The following RBM44 variants were observed in gnomAD, a reference collection of about 807,000 sequenced individuals.
RBM44 encodes RNA-binding protein 44.
Under a neutral mutation model 105.1 loss-of-function variants are expected in RBM44, and 66 were observed. The ratio of observed to expected loss-of-function variants is 0.63; its 90% CI spans 0.52 to 0.77. The LOEUF (loss-of-function observed/expected upper bound fraction) is 0.77. Ranked by LOEUF, RBM44 falls within the 30% of genes least tolerant of loss-of-function variation. The pLI is 0.00. For missense variants in RBM44, 1,122 were observed against 1,207.8 expected (o/e 0.93, Z 1.05); for synonymous variants, 365 against 417.6 (o/e 0.87, Z 1.54).
rs1341452458 is a variant in RBM44 at position 237,829,515 on chromosome 2, G to T, written c.2886+13G>T. The T allele has an allele frequency of 1.9e-6, 3 of 1,598,044 alleles. No homozygotes were observed. The highest frequency in any genetic ancestry group is 2.6e-6 in the Non-Finnish European group (3 of 1,173,562). On this transcript the variant is annotated intron_variant, in intron 13 of 15. Transcript: ENST00000316997. ...CCCTTCCGACCAGGTTAGTGTTTTT[G>T]ATAGATCCCTTAAATGGTCTTTGTA...
At chr2:237,837,725 G>T (rs1467918790) in intron 15 of RBM44, among the ~76,000 whole-genome samples, 3 of 143,876 alleles carry the variant, frequency 2.1e-5, no homozygotes, top group Non-Finnish European at 4.7e-5. Flanking sequence ...TCCCAGGCTG[G>T]TCTCAAACTT....
chr2:237,834,052 C>G lies in RBM44; in HGVS notation c.2942C>G (p.Pro981Arg). The change falls in exon 14 of 16, where the codon CCC becomes CGC. Residue 981 changes from proline (P) to arginine (R), a missense_variant. This residue lies in a region of RBM44 where 194 missense variants were observed against 225.5 expected (regional missense o/e 0.86). Coordinates refer to ENST00000316997, the MANE Select transcript of RBM44 (RefSeq NM_001080504.3). Reference sequence around the variant, plus strand: ...TCTGCTAAATTATTACCTGATACACCCGTTCAATTCATACCTCCAAATACA... The same window carrying G: ...TCTGCTAAATTATTACCTGATACACGCGTTCAATTCATACCTCCAAATACA... The part of the protein sequence containing the change: ...IESAKLLPDT[P>R]VQFIPPNTLN... 1 of 1,573,222 alleles carries G rather than the reference C, an allele frequency of 6.4e-7. No homozygotes were observed. The highest frequency in any genetic ancestry group is 8.6e-7 in the Non-Finnish European group (1 of 1,156,540).
At chr2:237,840,300 A>G (rs999819699) in intron 15 of RBM44, among the ~76,000 whole-genome samples, 6 of 152,158 alleles carry the variant, frequency 3.9e-5, no homozygotes, top group Non-Finnish European at 7.3e-5. Flanking sequence ...CGAAGTCAAC[A>G]AAAACAAGCA....
chr2:237,821,901 G>A, intron 8 of RBM44, 74 bp downstream of exon 8: 1 of 987,856 alleles, frequency 1.0e-6, no homozygotes, highest in Non-Finnish European at 1.6e-6. Context: ...ATAATTTTCA[G>A]AAACCCTGAC....
chr2:237,812,654 G>A (rs1279913170), intron 1 of RBM44, among the ~76,000 whole-genome samples: 2 of 151,964 alleles, frequency 1.3e-5, no homozygotes, highest in African/African-American at 4.8e-5. Context: ...AGGAACCTTT[G>A]TAACACTTGA....
intron 5 of RBM44, 135 bp downstream of exon 5, chr2:237,820,486 C>G: frequency 1.8e-6 from 1 of 563,024 alleles, no homozygotes; most frequent in Non-Finnish European, 3.0e-6. Context: ...GTTAGTTAGC[C>G]TAAGGGTAAT....
intron 13 of RBM44, among the ~76,000 whole-genome samples, chr2:237,831,243 T>TGG (rs61344701): frequency 1.8e-4 from 19 of 107,708 alleles, no homozygotes; most frequent in African/African-American, 3.6e-4. Context: ...TCCTTTTTTT[T>TGG]GGGGGGGGGG....
At position 237,817,395 on chromosome 2, in the gene RBM44, GA is replaced by G; in HGVS notation, c.478del (p.Ile160SerfsTer38). 1 of 1,602,458 alleles carries G rather than the reference GA, an allele frequency of 6.2e-7. No homozygotes were observed. The highest frequency in any genetic ancestry group is 8.5e-7 in the Non-Finnish European group (1 of 1,174,236). On this transcript the variant is annotated frameshift_variant, in exon 3 of 16. Coordinates refer to ENST00000316997, the MANE Select transcript of RBM44 (RefSeq NM_001080504.3). LOFTEE classifies it high-confidence loss of function. ...EHQDKTVGLE[R>X]IYNISDANYR... ...CAAGATAAGACTGTTGGCTTGGAAAGAATCTACAATATTTCAGATGCTAATT... is the reference window on the plus strand; with the variant it reads ...CAAGATAAGACTGTTGGCTTGGAAAGATCTACAATATTTCAGATGCTAATT...
In RBM44 at chr2:237,820,350, A is replaced by G. The variant is rs1479347369; in HGVS notation, c.1912A>G (p.Met638Val). The change falls in exon 5 of 16, where the codon ATG becomes GTG. Residue 638 changes from methionine to valine, a missense_variant and splice_region_variant. Met to Val is a conservative substitution (Grantham distance 21). This residue lies in a region of RBM44 where 918 missense variants were observed against 955.3 expected (regional missense o/e 0.96). Coordinates refer to ENST00000316997, the MANE Select transcript of RBM44 (RefSeq NM_001080504.3). ...CATGGAAAATAGGGAAGGATTAAAT[A>G]TGTGTTTATTAATTTCAAATCTGTT... ...LVMENREGLN[M>V]NLSSNSAKKE... The G allele has an allele frequency of 3.9e-6, 6 of 1,554,150 alleles. No homozygotes were observed. The highest frequency in any genetic ancestry group is 5.3e-6 in the Non-Finnish European group (6 of 1,140,888).
At chr2:237,832,466 T>C (rs1213274990) in intron 13 of RBM44, among the ~76,000 whole-genome samples, 1 of 152,206 alleles carries the variant, frequency 6.6e-6, no homozygotes, top group African/African-American at 2.4e-5. Context: ...TTCCACATGC[T>C]TTAGACAGGA....
At chr2:237,829,541 C>A in intron 13 of RBM44, 39 bp downstream of exon 13, 4 of 1,523,808 alleles carry the variant, frequency 2.6e-6, no homozygotes, top group South Asian at 1.2e-5. Flanking sequence ...GGTCTTTGTA[C>A]GTCATATTGC....
At chr2:237,827,203 A>G (rs753868408) in intron 10 of RBM44, 47 bp from the exon 11 acceptor site, 18 of 1,032,482 alleles carry the variant, frequency 1.7e-5, no homozygotes, top group Non-Finnish European at 2.5e-5. Context: ...TCTGAAACAT[A>G]TCAGTACAAT....
At chr2:237,831,245 G>C (rs148548247) in intron 13 of RBM44, among the ~76,000 whole-genome samples, 3 of 84,200 alleles carry the variant, frequency 3.6e-5, no homozygotes, top group African/African-American at 1.5e-4. Flanking sequence ...CTTTTTTTTG[G>C]GGGGGGGGGG....
At position 237,829,482 on chromosome 2, in the gene RBM44, G is replaced by A. The variant is rs2061882447; in HGVS notation, c.2866G>A (p.Glu956Lys). 13 of 1,612,356 alleles carry A rather than the reference G, an allele frequency of 8.1e-6. No homozygotes were observed. Among genetic ancestry groups the A allele is most frequent in the Non-Finnish European group, 1.1e-5 (13 of 1,179,224 alleles). ...PRQLGSEQDS[E>K]VFPSDQGVKK... is the part of the protein sequence containing the mutation. ...GCAGCTGGGTTCTGAGCAAGACAGT[G>A]AGGTTTTCCCTTCCGACCAGGTTAG... The change falls in exon 13 of 16, where the codon GAG becomes AAG. Residue 956 changes from glutamate (E) to lysine (K), a missense_variant. Around this residue, in one of 3 missense-constraint regions of RBM44, gnomAD observed 194 missense variants for 225.5 expected, o/e 0.86. Coordinates refer to ENST00000316997, the MANE Select transcript of RBM44 (RefSeq NM_001080504.3).
chr2:237,821,826 A>G lies in RBM44; in HGVS notation c.2204A>G (p.Gln735Arg), dbSNP rs2150981783. 1 of 1,594,132 alleles carries G rather than the reference A, an allele frequency of 6.3e-7. No individual in the cohort carries two copies. Among genetic ancestry groups the G allele is most frequent in the East Asian group, 2.2e-5 (1 of 44,560 alleles). Residue 735 changes from glutamine (Q) to arginine (R), a missense_variant and splice_region_variant, in exon 8 of 16, where the codon CAA becomes CGA. This residue lies in a region of RBM44 where 918 missense variants were observed against 955.3 expected (regional missense o/e 0.96). Coordinates refer to ENST00000316997, the MANE Select transcript of RBM44 (RefSeq NM_001080504.3). ...VSSNLKKTLS[Q>R]MSLSSDNSHA... Reference sequence around the variant, plus strand: ...TCAAACCTAAAAAAGACACTCTCTCAAGTAAGGGTCCTTGAAAGTTCATCA... The same window carrying G: ...TCAAACCTAAAAAAGACACTCTCTCGAGTAAGGGTCCTTGAAAGTTCATCA...
At chr2:237,821,310 TAAAC>T in intron 6 of RBM44, 32 bp from the exon 7 acceptor site, 1 of 1,559,666 alleles carries the variant, frequency 6.4e-7, no homozygotes. Context: ...CAAAACATTT[TAAAC>T]AAAGATTTTT....
chr2:237,833,974 A>G, intron 13 of RBM44, 23 bp from the exon 14 acceptor site: 1 of 1,443,546 alleles, frequency 6.9e-7, no homozygotes. Flanking sequence ...GATTTTAAGA[A>G]AACTTTTTAA....
chr2:237,832,780 G>A (rs60531258), intron 13 of RBM44, among the ~76,000 whole-genome samples: 4,034 of 152,160 alleles, frequency 0.027, 185 homozygotes, highest in African/African-American at 0.092. Flanking sequence ...AAGCAGAATC[G>A]TGGTGATTAA....
intron 6 of RBM44, 45 bp from the exon 7 acceptor site, chr2:237,821,301 A>C: frequency 6.4e-7 from 1 of 1,556,438 alleles, no homozygotes; most frequent in African/African-American, 1.4e-5. Flanking sequence ...TCATTTAGAC[A>C]AAACATTTTA....
Sources: gnomAD v4.1 joint callset for allele counts (sites outside exome capture counted in the v4.1 genomes callset) on GRCh38, gnomAD v4.1.1 for gene constraint, gnomAD v4.1.1 regional missense constraint, MANE v1.5 for transcripts, NCBI Gene and HGNC (gene_info 2026-07-23, HGNC 2026-07-21) for gene names.